The following AGBL4 variants were observed in gnomAD, a reference collection of about 807,000 sequenced individuals.
The protein encoded by AGBL4 is AGBL carboxypeptidase 4.
In AGBL4, 58 loss-of-function variants were observed where a neutral mutation model predicts 66.4. That is an observed-to-expected ratio of 0.87 (90% confidence interval 0.71 to 1.09). The LOEUF (loss-of-function observed/expected upper bound fraction) is 1.09. AGBL4 is among the 50% of genes least tolerant of loss of function. The pLI, the probability that AGBL4 is intolerant of heterozygous loss-of-function variation, is 0.00. For synonymous variants in AGBL4, 234 were observed against 222.9 expected, an observed-to-expected ratio of 1.05 and a Z score of -0.44; for missense variants, 579 against 631.0, an observed-to-expected ratio of 0.92 and a Z score of 0.88.
Position 48,736,112 on chromosome 1 carries a change from C to T in AGBL4, c.635-72871G>A, listed in dbSNP as rs936675368. On this transcript the variant is annotated intron_variant, in intron 6 of 13. Coordinates refer to ENST00000371839, the MANE Select transcript of AGBL4 (RefSeq NM_032785.4). This position sits in a 1 kb window ranked among gnomAD's most constrained non-coding sequence, Gnocchi z 4.0. ...ATTTGGGTTATCCGCTTGGTGTCCC[C>T]GGGCTCAGCCCAGGGTCTGGCATGC... 1.9e-5 allele frequency: 20 copies of T among 1,068,482 alleles called. No homozygotes were observed. Among genetic ancestry groups the T allele is most frequent in the Middle Eastern group, 2.5e-4 (1 of 4,014 alleles). The allele number at this position is 1,068,482 out of a possible 1,614,324, so 66.2% of individuals were successfully genotyped here. A position where few individuals can be genotyped will look rare whatever the true frequency, so the allele number is the denominator to read the frequency against.
chr1:49,416,788 T>C (rs1645434709), intron 3 of AGBL4, among the ~76,000 whole-genome samples: 1 of 152,098 alleles, frequency 6.6e-6, no homozygotes, highest in Non-Finnish European at 1.5e-5. Context: ...TGGCCTGGAA[T>C]TGAGTAAAAG....
chr1:49,470,933 T>G (rs192530773), intron 3 of AGBL4, among the ~76,000 whole-genome samples: 1 of 152,142 alleles, frequency 6.6e-6, no homozygotes. Flanking sequence ...TTAAATTCCT[T>G]CCTGGGCAAA....
chr1:49,497,646 T>G (rs918388659), intron 3 of AGBL4, among the ~76,000 whole-genome samples: 1 of 152,080 alleles, frequency 6.6e-6, no homozygotes, highest in African/African-American at 2.4e-5. Flanking sequence ...AGACTGTCCT[T>G]TACTCACTGT....
intron 3 of AGBL4, among the ~76,000 whole-genome samples, chr1:49,305,561 A>C (rs769126643): frequency 1.1e-4 from 17 of 152,222 alleles, no homozygotes; most frequent in Admixed American, 2.0e-4. Flanking sequence ...ATGCAGTGTG[A>C]ACCTATGTTG....
chr1:48,779,734 A>G (rs1437466332), intron 6 of AGBL4, among the ~76,000 whole-genome samples: 1 of 137,398 alleles, frequency 7.3e-6, no homozygotes, highest in African/African-American at 2.8e-5. Context: ...TTTTCTTGAG[A>G]CGGAGTTTCG....
intron 3 of AGBL4, among the ~76,000 whole-genome samples, chr1:49,416,815 T>C (rs769550010): frequency 6.6e-6 from 1 of 152,074 alleles, no homozygotes; most frequent in Non-Finnish European, 1.5e-5. Context: ...GCATGTTCTG[T>C]ATAGTATTTA....
At chr1:49,021,333 T>G (rs1250645968) in intron 5 of AGBL4, among the ~76,000 whole-genome samples, 6 of 152,170 alleles carry the variant, frequency 3.9e-5, no homozygotes, top group Admixed American at 1.3e-4. Context: ...AGAGCCTAGC[T>G]CATGGTGTGC....
intron 3 of AGBL4, among the ~76,000 whole-genome samples, chr1:49,534,208 C>T (rs1370112590): frequency 7.6e-6 from 1 of 130,888 alleles, no homozygotes; most frequent in Non-Finnish European, 1.6e-5. Flanking sequence ...ACAAAAATTA[C>T]CTATGGGCAC....
intron 2 of AGBL4, among the ~76,000 whole-genome samples, chr1:49,764,218 A>T (rs993500636): frequency 3.3e-5 from 5 of 152,130 alleles, no homozygotes; most frequent in Admixed American, 6.5e-5. Context: ...CATGCCCACA[A>T]CAGCAAAATC....
chr1:48,815,851 T>G (rs916867096), intron 6 of AGBL4, among the ~76,000 whole-genome samples: 5 of 152,318 alleles, frequency 3.3e-5, no homozygotes, highest in Non-Finnish European at 7.3e-5. Context: ...AACGCTAATG[T>G]TATTAGCTGT....
At chr1:49,107,322 T>A (rs1412822512) in intron 4 of AGBL4, among the ~76,000 whole-genome samples, 1 of 152,178 alleles carries the variant, frequency 6.6e-6, no homozygotes, top group East Asian at 1.9e-4. Flanking sequence ...TAGGCAAGGC[T>A]AAGTTATAAT....
chr1:49,441,309 AG>A, intron 3 of AGBL4, among the ~76,000 whole-genome samples: 1 of 152,328 alleles, frequency 6.6e-6, no homozygotes, highest in African/African-American at 2.4e-5. Context: ...GAGTTGGATC[AG>A]GCTGCATTTA....
At chr1:49,452,658 G>C (rs1292246292) in intron 3 of AGBL4, among the ~76,000 whole-genome samples, 5 of 151,754 alleles carry the variant, frequency 3.3e-5, no homozygotes, top group Non-Finnish European at 7.4e-5. Flanking sequence ...CTAATAGACA[G>C]AATTAATTGT....
chr1:49,874,922 C>T (rs1425242912), intron 1 of AGBL4, among the ~76,000 whole-genome samples: 2 of 148,572 alleles, frequency 1.3e-5, no homozygotes, highest in South Asian at 2.1e-4. Context: ...TGTGCTGCAC[C>T]CACTAACTTG....
At chr1:49,432,447 A>G (rs531242561) in intron 3 of AGBL4, among the ~76,000 whole-genome samples, 1 of 152,300 alleles carries the variant, frequency 6.6e-6, no homozygotes, top group East Asian at 1.9e-4. Flanking sequence ...CACAAGAAAT[A>G]ACAGCCCAAC....
chr1:49,852,567 G>A (rs542839249), intron 1 of AGBL4, among the ~76,000 whole-genome samples: 5 of 152,134 alleles, frequency 3.3e-5, no homozygotes, highest in African/African-American at 1.2e-4. Context: ...AAGGCATGAA[G>A]TCTCTTATGG....
chr1:48,881,900 T>A (rs1296707142), intron 5 of AGBL4, among the ~76,000 whole-genome samples: 1 of 152,168 alleles, frequency 6.6e-6, no homozygotes, highest in Non-Finnish European at 1.5e-5. Flanking sequence ...CTAGGTAAGA[T>A]CCCCCATGAG....
intron 3 of AGBL4, among the ~76,000 whole-genome samples, chr1:49,515,805 A>G (rs1649751682): frequency 6.7e-6 from 1 of 148,798 alleles, no homozygotes; most frequent in African/African-American, 2.5e-5. Flanking sequence ...ACCAAACACC[A>G]CATATTCTCA....
intron 3 of AGBL4, among the ~76,000 whole-genome samples, chr1:49,381,327 AC>A (rs1345042355): frequency 1.3e-5 from 2 of 152,260 alleles, no homozygotes; most frequent in Non-Finnish European, 2.9e-5. Flanking sequence ...AATGGCGATC[AC>A]TAAAAAGTCA....
Sources: gnomAD v4.1 joint callset for allele counts (sites outside exome capture counted in the v4.1 genomes callset) on GRCh38, gnomAD v4.1.1 for gene constraint, Gnocchi (gnomAD v3.1) non-coding constraint, MANE v1.5 for transcripts, NCBI Gene and HGNC (gene_info 2026-07-23, HGNC 2026-07-21) for gene names.